NCF2: variants seen among roughly 807,000 people sequenced by gnomAD.
The protein encoded by NCF2 is neutrophil cytosol factor 2.
A neutral mutation model predicts 70.9 loss-of-function variants in NCF2; 45 were observed. The ratio of observed to expected loss-of-function variants is 0.63; its 90% CI spans 0.50 to 0.81. The LOEUF (loss-of-function observed/expected upper bound fraction) is 0.81, where lower values mean the gene tolerates loss of function less well. Ranked by LOEUF, NCF2 falls within the 40% of genes least tolerant of loss-of-function variation. NCF2 has a pLI of 0.00. For missense variants in NCF2, 522 were observed against 631.6 expected, an observed-to-expected ratio of 0.83 and a Z score of 1.86; for synonymous variants, 203 against 233.6, an observed-to-expected ratio of 0.87 and a Z score of 1.19.
chr1:183,581,678 T>G (rs537706625), intron 2 of NCF2, among the ~76,000 whole-genome samples: 160 of 151,626 alleles, frequency 1.1e-3, no homozygotes, highest in African/African-American at 3.8e-3. Flanking sequence ...CTAAGTGTTT[T>G]TTTTTTTTGA....
At chr1:183,576,653 A>C (rs1672813113) in intron 3 of NCF2, among the ~76,000 whole-genome samples, 1 of 152,224 alleles carries the variant, frequency 6.6e-6, no homozygotes, top group Non-Finnish European at 1.5e-5. Flanking sequence ...TTCCAACTGC[A>C]AAGCCCCATC....
chr1:183,592,449 C>G (rs1287303674), upstream of NCF2, among the ~76,000 whole-genome samples: 1 of 152,210 alleles, frequency 6.6e-6, no homozygotes, highest in Non-Finnish European at 1.5e-5. Flanking sequence ...TTGCATCATA[C>G]TTACTGCAAT....
intron 13 of NCF2, among the ~76,000 whole-genome samples, chr1:183,562,823 C>CAA (rs869202704): frequency 0.2 from 21,636 of 107,170 alleles, 2,261 homozygotes; most frequent in African/African-American, 0.36. Context: ...GACTCCATCT[C>CAA]AAAAAAAAAA....
Position 183,562,385 on chromosome 1 carries a change from A to G in NCF2, c.1290+810T>C, listed in dbSNP as rs370318334. Among the ~76,000 whole-genome samples the G allele has an allele frequency of 2.6e-4, 40 of 152,210 alleles. No homozygotes were observed. The East Asian group carries it at 5.2e-3, about 20-fold the overall frequency. On this transcript the variant is annotated intron_variant, in intron 13 of 14. Coordinates refer to ENST00000367535, the MANE Select transcript of NCF2 (RefSeq NM_000433.4). ...TTTTCAGACTTCCAAGAGACCCCTT[A>G]CACTCACACTCACTCTTACCCCCAG... is the stretch of plus-strand genomic sequence containing the variant.
intron 5 of NCF2, 53 bp downstream of exon 5, chr1:183,573,132 C>G: frequency 6.5e-7 from 1 of 1,545,438 alleles, no homozygotes; most frequent in Admixed American, 1.7e-5. Context: ...CCACCTTGCT[C>G]CACATGGCCC....
intron 14 of NCF2, 71 bp downstream of exon 14, chr1:183,560,025 C>G: frequency 6.7e-7 from 1 of 1,493,622 alleles, no homozygotes; most frequent in Non-Finnish European, 9.3e-7. Flanking sequence ...TTGATATTTT[C>G]TTCTCTCTGC....
In NCF2 at chr1:183,564,021, T is replaced by C; in HGVS notation, c.1010A>G (p.Gln337Arg). The change falls in exon 11 of 15, where the codon CAA becomes CGA. Residue 337 changes from glutamine to arginine, a missense_variant. By Grantham distance (43) the Gln-to-Arg change is conservative. Coordinates refer to ENST00000367535, the MANE Select transcript of NCF2 (RefSeq NM_000433.4). ...GRPQLSPGQK[Q>R]KEEPKEVKLS... ...AAATGTTACCTTAGGCTCTTCTTTT[T>C]GTTTCTGGCCTGAATGGAAAAAGTA... 6.2e-7 allele frequency: 1 copy of C among 1,611,456 alleles called. No homozygotes were observed. The highest frequency in any genetic ancestry group is 8.5e-7 in the Non-Finnish European group (1 of 1,177,500).
At chr1:183,584,553 G>A (rs1000262649) in intron 2 of NCF2, among the ~76,000 whole-genome samples, 1 of 152,204 alleles carries the variant, frequency 6.6e-6, no homozygotes, top group Non-Finnish European at 1.5e-5. Context: ...CAGATCCTGG[G>A]ACTCACGGGC....
Position 183,583,759 on chromosome 1 carries a change from C to T in NCF2, c.257+3136G>A, listed in dbSNP as rs970320697. Among the ~76,000 whole-genome samples, 6 of 152,266 alleles carry T rather than the reference C, an allele frequency of 3.9e-5. No individual in the cohort carries two copies. The South Asian group carries it at 8.3e-4, about 21-fold the overall frequency. On this transcript the variant is annotated intron_variant, in intron 2 of 14. Transcript: ENST00000367535. Reference sequence around the variant, plus strand: ...GTTGGGCATGGCTGGGGCAAAGGCACGGAGGATGCATGAGTGGGTGGCAGC... The same window carrying T: ...GTTGGGCATGGCTGGGGCAAAGGCATGGAGGATGCATGAGTGGGTGGCAGC...
At chr1:183,581,301 AG>A (rs1673059854) in intron 2 of NCF2, among the ~76,000 whole-genome samples, 5 of 141,656 alleles carry the variant, frequency 3.5e-5, no homozygotes, top group African/African-American at 5.4e-5. Context: ...AAAAAAAGAA[AG>A]AAAGAAAGAA....
At chr1:183,599,440 T>TTCTTTC in the NCF2 span, among the ~76,000 whole-genome samples, 1 of 99,162 alleles carries the variant, frequency 1.0e-5, no homozygotes, top group Non-Finnish European at 2.3e-5. Context: ...CTTTCTTTCT[T>TTCTTTC]TCTTTCTTTC....
rs1166532485 is a variant in NCF2 at position 183,577,771 on chromosome 1, G to A, written c.258-64C>T. On this transcript the variant is annotated intron_variant, in intron 2 of 14. Transcript: ENST00000367535. ...TGGAGAAATAAATGCAGCATAAAAT[G>A]TGAGTCTGCTTCTCCCTTCCCCATC... is the stretch of plus-strand genomic sequence containing the variant. 4.2e-5 allele frequency: 49 copies of A among 1,159,710 alleles called. 1 individual carries two copies. In the Middle Eastern group the frequency reaches 6.0e-3, roughly 143 times the overall value. 71.8% of individuals were successfully genotyped at this position (1,159,710 alleles called of 1,614,324 possible). A position where few individuals can be genotyped will look rare whatever the true frequency, so the allele number is the denominator to read the frequency against.
chr1:183,589,070 G>A (rs890123795), intron 1 of NCF2, among the ~76,000 whole-genome samples: 1 of 152,224 alleles, frequency 6.6e-6, no homozygotes, highest in East Asian at 1.9e-4. Flanking sequence ...GTCCTGCCAT[G>A]CTCTGCCTTA....
intron 1 of NCF2, among the ~76,000 whole-genome samples, chr1:183,587,283 C>T (rs549821923): frequency 3.9e-5 from 6 of 152,222 alleles, no homozygotes; most frequent in African/African-American, 1.4e-4. Flanking sequence ...CATATATGGC[C>T]TAGAAAAGCT....
rs1422463698 is a variant in NCF2, at chr1:183,573,263, G to T, written c.531C>A (p.Ile177=). The T allele has an allele frequency of 1.2e-6, 2 of 1,614,094 alleles. No homozygotes were observed. Among genetic ancestry groups the T allele is most frequent in the South Asian group, 1.1e-5 (1 of 91,084 alleles). ...WKQKLYEPVV[I]PVGKLFRPNE... is the part of the protein sequence containing the mutation. ...TTGGTCGAAACAGCTTGCCCACAGG[G>T]ATCACCACTGGCTCATATAGCTTCT... The change falls in exon 5 of 15, where the codon ATC becomes ATA. Residue 177 remains isoleucine (I), a synonymous_variant. Transcript: ENST00000367535.
the NCF2 span, among the ~76,000 whole-genome samples, chr1:183,599,697 G>A: frequency 1.3e-5 from 2 of 151,608 alleles, no homozygotes; most frequent in Admixed American, 6.6e-5. Context: ...GATTACAGGC[G>A]AGCACCACCA....
At chr1:183,570,303 ACT>A (rs1368626699) in intron 6 of NCF2, among the ~76,000 whole-genome samples, 2 of 152,144 alleles carry the variant, frequency 1.3e-5, no homozygotes, top group Non-Finnish European at 1.5e-5. Flanking sequence ...AAAAGGGTTC[ACT>A]CTCAGTGCGC....
At chr1:183,573,376 A>T in intron 4 of NCF2, 84 bp from the exon 5 acceptor site, 1 of 1,216,046 alleles carries the variant, frequency 8.2e-7, no homozygotes, top group Non-Finnish European at 1.2e-6. Flanking sequence ...AATAGATGCA[A>T]GAATTCATTG....
At position 183,573,336 on chromosome 1, in the gene NCF2, G is replaced by A. The variant is rs75392484; in HGVS notation, c.502-44C>T. On this transcript the variant is annotated intron_variant, in intron 4 of 14. Transcript: ENST00000367535. ...AGCATTCCCTTATGTGAAAATGGGG[G>A]TGACGATGCTTGTCCTGCCTCCCTC... The A allele has an allele frequency of 7.7e-6, 12 of 1,553,772 alleles. No homozygotes were observed. In the East Asian group the frequency reaches 2.5e-4, roughly 32 times the overall value.
Sources: allele counts gnomAD v4.1 joint callset (sites outside exome capture counted in the v4.1 genomes callset), GRCh38; gene constraint gnomAD v4.1.1; transcripts MANE v1.5; gene names NCBI Gene and HGNC (gene_info 2026-07-23, HGNC 2026-07-21).